The following DNAH5 variants were observed in gnomAD, a reference collection of about 807,000 sequenced individuals.
The protein encoded by DNAH5 is axonemal beta dynein heavy chain 5.
A neutral mutation model predicts 518.2 loss-of-function variants in DNAH5; 372 were observed. The ratio of observed to expected loss-of-function variants is 0.72; its 90% CI spans 0.66 to 0.78. The LOEUF is 0.78. Among genes scored for constraint, DNAH5 ranks in the 30% least tolerant of loss-of-function variants. The pLI is 0.00. For synonymous variants in DNAH5, 2,039 were observed against 2,025.9 expected, an observed-to-expected ratio of 1.01 and a Z score of -0.17; for missense variants, 5,523 against 5,687.0, an observed-to-expected ratio of 0.97 and a Z score of 0.93.
intron 75 of DNAH5, among the ~76,000 whole-genome samples, chr5:13,708,924 C>A (rs1743150045): frequency 6.6e-6 from 1 of 152,214 alleles, no homozygotes; most frequent in Non-Finnish European, 1.5e-5. Context: ...GGAGACTCTT[C>A]TAACTCCTGC....
intron 44 of DNAH5, 86 bp from the exon 45 acceptor site, chr5:13,810,346 G>A (rs912707841): frequency 6.0e-5 from 69 of 1,153,308 alleles, no homozygotes; most frequent in Non-Finnish European, 4.6e-5. Context: ...AGTAAACATA[G>A]AAACAAGACA....
intron 29 of DNAH5, among the ~76,000 whole-genome samples, chr5:13,861,046 AC>A (rs1233607059): frequency 6.6e-6 from 1 of 152,226 alleles, no homozygotes; most frequent in African/African-American, 2.4e-5. Context: ...CTAGAAGAGT[AC>A]ATCACACACA....
intron 1 of DNAH5, among the ~76,000 whole-genome samples, chr5:13,992,345 C>A (rs1006954504): frequency 2.0e-5 from 3 of 152,164 alleles, no homozygotes; most frequent in Non-Finnish European, 4.4e-5. Flanking sequence ...CCACAAATCA[C>A]ATTTAAGAAA....
chr5:13,861,788 C>T (rs904996837), intron 29 of DNAH5, among the ~76,000 whole-genome samples: 2 of 151,840 alleles, frequency 1.3e-5, no homozygotes, highest in Admixed American at 1.3e-4. Context: ...GAAACCCTGT[C>T]TCTACTAAAA....
At position 13,714,413 on chromosome 5, in the gene DNAH5, G is replaced by A. The variant is rs1295800981; in HGVS notation, c.13117C>T (p.Pro4373Ser). The change falls in exon 75 of 79, where the codon CCC becomes TCC. Residue 4373 changes from proline (P) to serine (S), a missense_variant. Around this residue, in one of 3 missense-constraint regions of DNAH5, gnomAD observed 387 missense variants for 430.0 expected, o/e 0.90. Coordinates refer to ENST00000265104, the MANE Select transcript of DNAH5 (RefSeq NM_001369.3). ...MLEKLPPDYVPFEVKERLQKM... is the reference protein window; with the variant it reads ...MLEKLPPDYVSFEVKERLQKM... ...GGATTTCATCAACTCACTTCAAAGG[G>A]GACATAGTCTGGGGGCAGCTTCTCC... 6.2e-7 allele frequency: 1 copy of A among 1,613,954 alleles called. No individual in the cohort carries two copies. The highest frequency in any genetic ancestry group is 1.1e-5 in the South Asian group (1 of 91,084).
intron 30 of DNAH5, among the ~76,000 whole-genome samples, chr5:13,852,500 T>G (rs1580589324): frequency 6.6e-6 from 1 of 152,186 alleles, no homozygotes; most frequent in East Asian, 1.9e-4. Context: ...TAGTGGCACC[T>G]GGGATGCCAC....
intron 38 of DNAH5, among the ~76,000 whole-genome samples, chr5:13,824,760 G>A (rs759687201): frequency 4.6e-5 from 7 of 151,976 alleles, no homozygotes; most frequent in Non-Finnish European, 8.8e-5. Context: ...TGCCTTTTTC[G>A]TGATAAGTAA....
chr5:13,858,119 G>A (rs1014741482), intron 30 of DNAH5, among the ~76,000 whole-genome samples: 2 of 152,090 alleles, frequency 1.3e-5, no homozygotes, highest in South Asian at 2.1e-4. Flanking sequence ...ATATGCACAC[G>A]TATGTTTATT....
At chr5:13,944,209 T>G (rs1779720560) in intron 1 of DNAH5, among the ~76,000 whole-genome samples, 173 bp downstream of exon 1, 1 of 152,186 alleles carries the variant, frequency 6.6e-6, no homozygotes, top group Non-Finnish European at 1.5e-5. Flanking sequence ...TTTTTTTTAT[T>G]TAAAAAATGA....
Position 13,769,107 on chromosome 5 carries a change from C to T in DNAH5, c.9750G>A (p.Gln3250=), listed in dbSNP as rs766159473. 1.2e-6 allele frequency: 2 copies of T among 1,614,164 alleles called. No homozygotes were observed. The highest frequency in any genetic ancestry group is 4.5e-5 in the East Asian group (2 of 44,878). The change falls in exon 58 of 79, where the codon CAG becomes CAA. Residue 3250 remains glutamine (Q), a synonymous_variant. Coordinates refer to ENST00000265104, the MANE Select transcript of DNAH5 (RefSeq NM_001369.3). The part of the protein sequence containing the change: ...MVLKEVTMKA[Q]AAEKVKAEVQ... The stretch of plus-strand genomic sequence containing the variant: ...CCTCAGCCTTGACCTTTTCAGCAGC[C>T]TGTGCTTTCATTGTCACTTCTTTTA...
intron 1 of DNAH5, among the ~76,000 whole-genome samples, chr5:13,950,070 T>A (rs550020300): frequency 6.6e-6 from 1 of 152,344 alleles, no homozygotes; most frequent in African/African-American, 2.4e-5. Context: ...GTAACTGCAA[T>A]GTTATCTTAA....
chr5:13,952,179 A>T (rs1780468801), intron 1 of DNAH5, among the ~76,000 whole-genome samples: 1 of 152,188 alleles, frequency 6.6e-6, no homozygotes, highest in African/African-American at 2.4e-5. Context: ...GTTTATCACA[A>T]ATAAAAATCC....
chr5:13,893,433 G>A (rs993742503), intron 16 of DNAH5, among the ~76,000 whole-genome samples: 1 of 152,124 alleles, frequency 6.6e-6, no homozygotes, highest in Non-Finnish European at 1.5e-5. Flanking sequence ...GTATATGGAT[G>A]TCTCCTACAC....
At chr5:13,821,571 T>C (rs929537761) in intron 40 of DNAH5, among the ~76,000 whole-genome samples, 4 of 152,196 alleles carry the variant, frequency 2.6e-5, no homozygotes, top group African/African-American at 4.8e-5. Flanking sequence ...TGTGAAACTA[T>C]GGAATGCAGA....
chr5:13,782,052 G>A (rs993880961), intron 52 of DNAH5, among the ~76,000 whole-genome samples: 12 of 152,078 alleles, frequency 7.9e-5, no homozygotes, highest in Non-Finnish European at 1.6e-4. Flanking sequence ...TAGGAGAGAT[G>A]GGAATAAAAT....
At chr5:13,712,906 C>T (rs1344518090) in intron 75 of DNAH5, among the ~76,000 whole-genome samples, 1 of 152,108 alleles carries the variant, frequency 6.6e-6, no homozygotes, top group Non-Finnish European at 1.5e-5. Flanking sequence ...CTATGGAAAA[C>T]AGTGTGAAGA....
chr5:13,728,416 A>T (rs951651112), intron 69 of DNAH5, among the ~76,000 whole-genome samples: 3 of 152,194 alleles, frequency 2.0e-5, no homozygotes, highest in Non-Finnish European at 4.4e-5. Context: ...AAATCATTCC[A>T]GGTTCATATT....
Position 13,867,857 on chromosome 5 carries a change from G to A in DNAH5, c.3970C>T (p.Gln1324Ter). The part of the protein sequence containing the change: ...GEVQNKLVSL[Q>*]PSFKKELISA... ...ATAAGCTCTTTCTTGAAACTGGGCT[G>A]CAGTGAGACTAATTTATTCTGGACT... is the stretch of plus-strand genomic sequence containing the variant. The change falls in exon 25 of 79, where the codon CAG becomes TAG. Residue 1324 changes from glutamine to a stop codon, truncating the protein, a stop_gained. Transcript: ENST00000265104. LOFTEE classifies it high-confidence loss of function. 1 of 1,614,088 alleles carries A rather than the reference G, an allele frequency of 6.2e-7. No homozygotes were observed. The highest frequency in any genetic ancestry group is 8.5e-7 in the Non-Finnish European group (1 of 1,179,984).
chr5:13,932,069 G>C (rs1778483538), intron 1 of DNAH5: 1 of 152,158 alleles, frequency 6.6e-6, no homozygotes, highest in Admixed American at 6.6e-5. Flanking sequence ...GCTCCCACTG[G>C]GAAGAGGAAA....
Sources: gnomAD v4.1 joint callset for allele counts (sites outside exome capture counted in the v4.1 genomes callset) on GRCh38, gnomAD v4.1.1 for gene constraint, gnomAD v4.1.1 regional missense constraint, MANE v1.5 for transcripts, NCBI Gene and HGNC (gene_info 2026-07-23, HGNC 2026-07-21) for gene names.